Variants in PTPRK observed in about 807,000 individuals in gnomAD.
PTPRK encodes receptor-type tyrosine-protein phosphatase kappa.
In PTPRK, 75 loss-of-function variants were observed where a neutral mutation model predicts 178.0. That is an observed-to-expected ratio of 0.42 (90% CI 0.35 to 0.51). PTPRK has a LOEUF of 0.51. Among genes scored for constraint, PTPRK ranks in the 20% least tolerant of loss-of-function variants. The pLI, the probability that PTPRK is intolerant of heterozygous loss-of-function variation, is 0.02. For synonymous variants in PTPRK, 637 were observed against 620.6 expected, an observed-to-expected ratio of 1.03 and a Z score of -0.39; for missense variants, 1,441 against 1,797.8, an observed-to-expected ratio of 0.80 and a Z score of 3.59.
At chr6:128,403,883 C>CA (rs141725738) in intron 1 of PTPRK, among the ~76,000 whole-genome samples, 30 of 152,292 alleles carry the variant, frequency 2.0e-4, no homozygotes, top group Non-Finnish European at 2.6e-4. Context: ...TAAATGTTTC[C>CA]AGTTTTGTGG....
intron 11 of PTPRK, among the ~76,000 whole-genome samples, chr6:128,071,220 T>A (rs994136918): frequency 6.6e-6 from 1 of 151,980 alleles, no homozygotes; most frequent in Admixed American, 6.6e-5. Flanking sequence ...CCTCTCAAGT[T>A]TGATACAGTT....
chr6:128,456,114 A>T (rs1003563616), intron 1 of PTPRK, among the ~76,000 whole-genome samples: 1 of 152,098 alleles, frequency 6.6e-6, no homozygotes, highest in Non-Finnish European at 1.5e-5. Context: ...TAACCCTGCA[A>T]AATTCAAGAT....
chr6:128,517,421 CA>C (rs999995423), intron 1 of PTPRK, among the ~76,000 whole-genome samples: 5 of 152,178 alleles, frequency 3.3e-5, no homozygotes, highest in African/African-American at 4.8e-5. Flanking sequence ...CAAGAGATCA[CA>C]GCTATACAAC....
chr6:128,023,162 C>G (rs1479577857), intron 13 of PTPRK, among the ~76,000 whole-genome samples: 1 of 152,164 alleles, frequency 6.6e-6, no homozygotes, highest in East Asian at 1.9e-4. Flanking sequence ...ATTTGAGAAA[C>G]AGGATCGATA....
In PTPRK at chr6:128,032,856, GAGA is replaced by G. The variant is rs1360536603; in HGVS notation, c.2195-23591_2195-23589del. ...ATGTCACTGCGGGAATATCAGCCAC[GAGA>G]AGAAGAAAAGCACCCTCAGGACAAT... is the stretch of plus-strand genomic sequence containing the variant. On this transcript the variant is annotated intron_variant, in intron 13 of 29. Coordinates refer to ENST00000368226, the MANE Select transcript of PTPRK (RefSeq NM_002844.4). Among the ~76,000 whole-genome samples, 8 of 152,244 alleles carry G rather than the reference GAGA, an allele frequency of 5.3e-5. No individual in the cohort carries two copies. The East Asian group carries it at 1.4e-3, about 26-fold the overall frequency.
chr6:128,174,875 T>C (rs1356949087), intron 7 of PTPRK, among the ~76,000 whole-genome samples: 1 of 148,692 alleles, frequency 6.7e-6, no homozygotes, highest in Non-Finnish European at 1.5e-5. Flanking sequence ...ATACAGCTTA[T>C]TGGTTTAATT....
At chr6:127,990,516 A>G (rs1424751928) in intron 21 of PTPRK, among the ~76,000 whole-genome samples, 2 of 152,082 alleles carry the variant, frequency 1.3e-5, no homozygotes, top group African/African-American at 4.8e-5. Flanking sequence ...GATGTATGAT[A>G]TATTAGTTGA....
chr6:128,229,980 A>C (rs1006985304), intron 5 of PTPRK, among the ~76,000 whole-genome samples: 7 of 152,136 alleles, frequency 4.6e-5, no homozygotes, highest in South Asian at 2.1e-4. Context: ...AAGACACACA[A>C]AAAAATGATA....
At chr6:128,148,777 C>G (rs186789988) in intron 7 of PTPRK, among the ~76,000 whole-genome samples, 1 of 151,890 alleles carries the variant, frequency 6.6e-6, no homozygotes, top group Admixed American at 6.6e-5. Context: ...TATCAAAATA[C>G]AAAAATAAAA....
Position 128,098,136 on chromosome 6 carries a change from G to T in PTPRK, c.1163-8144C>A, listed in dbSNP as rs34702604. Among the ~76,000 whole-genome samples, 1,116 of 152,196 alleles carry T rather than the reference G, an allele frequency of 7.3e-3. 6 individuals are homozygous for T. The highest frequency in any genetic ancestry group is 0.013 in the Non-Finnish European group (893 of 67,994). On this transcript the variant is annotated intron_variant, in intron 7 of 29. Transcript: ENST00000368226. Reference sequence around the variant, plus strand: ...ATATGGTTGGAAATTTTTATTTTCTGAACAATAAAGCAGGTAGTTTCAATA... The same window carrying T: ...ATATGGTTGGAAATTTTTATTTTCTTAACAATAAAGCAGGTAGTTTCAATA...
chr6:128,038,921 CA>C (rs1408976912), intron 13 of PTPRK, among the ~76,000 whole-genome samples: 1 of 152,060 alleles, frequency 6.6e-6, no homozygotes. Context: ...AAATGTTAAC[CA>C]TATCTGCCCA....
chr6:128,419,947 T>C (rs996813992), intron 1 of PTPRK, among the ~76,000 whole-genome samples: 2 of 152,248 alleles, frequency 1.3e-5, no homozygotes, highest in Non-Finnish European at 2.9e-5. Flanking sequence ...GGGAAGATCA[T>C]GGTGTTGGTT....
At chr6:128,489,136 G>T (rs531150671) in intron 1 of PTPRK, among the ~76,000 whole-genome samples, 1 of 152,166 alleles carries the variant, frequency 6.6e-6, no homozygotes, top group South Asian at 2.1e-4. Flanking sequence ...TCATAAACTT[G>T]AGTTCTGAAA....
At chr6:128,293,761 AAATAAC>A (rs1266927598) in intron 3 of PTPRK, among the ~76,000 whole-genome samples, 1 of 152,144 alleles carries the variant, frequency 6.6e-6, no homozygotes, top group Non-Finnish European at 1.5e-5. Flanking sequence ...TACTACAATT[AAATAAC>A]AATAACAATA....
chr6:127,988,629 A>T (rs1482912014), intron 21 of PTPRK, among the ~76,000 whole-genome samples: 1 of 152,022 alleles, frequency 6.6e-6, no homozygotes, highest in Non-Finnish European at 1.5e-5. Flanking sequence ...TCCTAGACTA[A>T]AAGTTATATT....
Position 128,108,169 on chromosome 6 carries a change from ATTGT to A in PTPRK, c.1163-18181_1163-18178del, listed in dbSNP as rs780207528. Among the ~76,000 whole-genome samples, 3 of 151,756 alleles carry A rather than the reference ATTGT, an allele frequency of 2.0e-5. No individual in the cohort carries two copies. The East Asian group carries it at 5.8e-4, about 29-fold the overall frequency. ...TAAAGCACATTCTTTAAGTGCCAAC[ATTGT>A]TTTAGTGTTTGTATTGACTTTTTAA... On this transcript the variant is annotated intron_variant, in intron 7 of 29. Transcript: ENST00000368226.
At chr6:128,086,903 G>GA (rs35571292) in intron 8 of PTPRK, among the ~76,000 whole-genome samples, 1 of 151,618 alleles carries the variant, frequency 6.6e-6, no homozygotes, top group South Asian at 2.1e-4. Flanking sequence ...ATTAAAACTG[G>GA]AAAAATTATT....
intron 7 of PTPRK, among the ~76,000 whole-genome samples, chr6:128,134,910 T>A (rs940842482): frequency 2.0e-5 from 3 of 152,032 alleles, no homozygotes; most frequent in Admixed American, 6.6e-5. Flanking sequence ...TTGAAGGCCT[T>A]AAGAGAAAAA....
intron 22 of PTPRK, among the ~76,000 whole-genome samples, chr6:127,984,524 A>G (rs980381867): frequency 2.6e-5 from 4 of 152,204 alleles, no homozygotes; most frequent in Non-Finnish European, 5.9e-5. Context: ...TTCTGTTTCA[A>G]GAGAGTATCT....
Sources: allele counts gnomAD v4.1 joint callset (sites outside exome capture counted in the v4.1 genomes callset), GRCh38; gene constraint gnomAD v4.1.1; transcripts MANE v1.5; gene names NCBI Gene and HGNC (gene_info 2026-07-23, HGNC 2026-07-21).